The following GALNTL6 variants were observed in gnomAD, a reference collection of about 807,000 sequenced individuals.
The protein encoded by GALNTL6 is polypeptide N-acetylgalactosaminyltransferase-like 6.
GALNTL6 carries 46 observed loss-of-function variants against 73.7 expected under a neutral mutation model. The observed-to-expected ratio is 0.62, with a 90% confidence interval of 0.49 to 0.80. GALNTL6 has a LOEUF of 0.80. Among genes scored for constraint, GALNTL6 ranks in the 30% least tolerant of loss-of-function variants. The pLI is 0.00. For missense variants in GALNTL6, 604 were observed against 755.0 expected (o/e 0.80, Z 2.34); for synonymous variants, 259 against 263.7 (o/e 0.98, Z 0.17).
At chr4:172,295,579 A>G (rs983741158) in intron 3 of GALNTL6, among the ~76,000 whole-genome samples, 43 of 67,922 alleles carry the variant, frequency 6.3e-4, no homozygotes, top group Admixed American at 1.1e-3. Flanking sequence ...GTTCTGGTTT[A>G]CTCTATAACC....
At chr4:171,925,516 A>G (rs1362496574) in intron 2 of GALNTL6, among the ~76,000 whole-genome samples, 1 of 152,208 alleles carries the variant, frequency 6.6e-6, no homozygotes. Context: ...TGTCTAAGAC[A>G]TCCCGCTGAG....
At chr4:172,814,311 G>A (rs1741479043) in intron 7 of GALNTL6, among the ~76,000 whole-genome samples, 2 of 152,152 alleles carry the variant, frequency 1.3e-5, no homozygotes, top group Admixed American at 1.3e-4. Context: ...AGAATGTACA[G>A]CAATGATCTA....
chr4:172,332,405 ACTTTATGTTTTTAT>A (rs1176387543), intron 4 of GALNTL6, among the ~76,000 whole-genome samples: 2 of 151,978 alleles, frequency 1.3e-5, no homozygotes, highest in Non-Finnish European at 2.9e-5. Context: ...CTTCTATCTT[ACTTTATGTTTTTAT>A]CTTTTAACCC....
intron 2 of GALNTL6, among the ~76,000 whole-genome samples, chr4:172,105,705 A>T (rs968674202): frequency 1.3e-5 from 2 of 152,152 alleles, no homozygotes; most frequent in Non-Finnish European, 2.9e-5. Flanking sequence ...AAAGTGCTCA[A>T]CTAAAGAACT....
intron 2 of GALNTL6, among the ~76,000 whole-genome samples, chr4:171,974,258 T>G (rs1421738812): frequency 6.6e-6 from 1 of 152,302 alleles, no homozygotes; most frequent in African/African-American, 2.4e-5. Flanking sequence ...TAGTTTACAA[T>G]TTCTCAGTAG....
chr4:172,958,196 T>C (rs1341251908), intron 10 of GALNTL6, among the ~76,000 whole-genome samples: 1 of 152,180 alleles, frequency 6.6e-6, no homozygotes, highest in East Asian at 1.9e-4. Context: ...TGAGCATAGT[T>C]TGTGATTCTA....
chr4:172,395,503 C>A (rs1743816952), intron 5 of GALNTL6, among the ~76,000 whole-genome samples: 1 of 152,024 alleles, frequency 6.6e-6, no homozygotes, highest in Non-Finnish European at 1.5e-5. Context: ...TGTCAACATA[C>A]AATATTTTTC....
At chr4:172,870,778 T>C (rs753808986) in intron 7 of GALNTL6, among the ~76,000 whole-genome samples, 8 of 152,238 alleles carry the variant, frequency 5.3e-5, no homozygotes, top group Non-Finnish European at 1.0e-4. Context: ...AAGTACATGA[T>C]AAATTCATTT....
intron 2 of GALNTL6, among the ~76,000 whole-genome samples, chr4:172,101,619 T>G (rs1015262799): frequency 6.6e-6 from 1 of 152,230 alleles, no homozygotes; most frequent in Non-Finnish European, 1.5e-5. Flanking sequence ...TTGCCTCTTT[T>G]TTTGTAATTA....
At chr4:173,032,730 A>G (rs911391097) in intron 12 of GALNTL6, among the ~76,000 whole-genome samples, 1 of 152,344 alleles carries the variant, frequency 6.6e-6, no homozygotes, top group Admixed American at 6.5e-5. Flanking sequence ...GGACTACACA[A>G]GACCTTGTAG....
chr4:173,023,375 G>A (rs1392786501), intron 12 of GALNTL6, among the ~76,000 whole-genome samples: 1 of 152,006 alleles, frequency 6.6e-6, no homozygotes, highest in Non-Finnish European at 1.5e-5. Flanking sequence ...AACATCAGTT[G>A]AGCCGAGCAC....
chr4:172,074,680 G>C (rs1731650171), intron 2 of GALNTL6, among the ~76,000 whole-genome samples: 1 of 152,138 alleles, frequency 6.6e-6, no homozygotes, highest in Non-Finnish European at 1.5e-5. Context: ...AACAGGCACT[G>C]TCCCTACCCT....
intron 3 of GALNTL6, among the ~76,000 whole-genome samples, chr4:172,247,428 A>G (rs1438734361): frequency 6.6e-6 from 1 of 152,204 alleles, no homozygotes; most frequent in Non-Finnish European, 1.5e-5. Flanking sequence ...GCACTAATAC[A>G]ACTGATACAA....
chr4:171,827,757 T>C (rs966818571), intron 2 of GALNTL6, among the ~76,000 whole-genome samples: 1 of 152,154 alleles, frequency 6.6e-6, no homozygotes, highest in Non-Finnish European at 1.5e-5. Context: ...GTGATCACTG[T>C]CTTCGGTACC....
At chr4:172,791,426 A>G (rs569823934) in intron 5 of GALNTL6, among the ~76,000 whole-genome samples, 7 of 152,352 alleles carry the variant, frequency 4.6e-5, no homozygotes, top group African/African-American at 1.7e-4. Flanking sequence ...ATGGAGATAC[A>G]CAGCTGGGTG....
intron 2 of GALNTL6, among the ~76,000 whole-genome samples, chr4:171,987,726 A>G (rs951751236): frequency 5.3e-5 from 8 of 152,172 alleles, no homozygotes; most frequent in East Asian, 1.9e-4. Flanking sequence ...GGCTTGTGCT[A>G]TAGCATAGCC....
intron 2 of GALNTL6, among the ~76,000 whole-genome samples, chr4:172,032,048 A>G (rs1033036326): frequency 6.6e-6 from 1 of 152,108 alleles, no homozygotes; most frequent in African/African-American, 2.4e-5. Context: ...AAAAGTTTTC[A>G]CTGTCACAAA....
intron 5 of GALNTL6, among the ~76,000 whole-genome samples, chr4:172,476,563 G>A (rs907855352): frequency 1.3e-5 from 2 of 151,956 alleles, no homozygotes; most frequent in African/African-American, 4.8e-5. Flanking sequence ...AAACCTGCTG[G>A]ATAGGCTTTC....
At chr4:172,723,393 C>G (rs1226498747) in intron 5 of GALNTL6, among the ~76,000 whole-genome samples, 1 of 152,142 alleles carries the variant, frequency 6.6e-6, no homozygotes, top group Non-Finnish European at 1.5e-5. Context: ...CCTTCCCATA[C>G]TTATTTAACC....
Sources: gnomAD v4.1 joint callset for allele counts (sites outside exome capture counted in the v4.1 genomes callset) on GRCh38, gnomAD v4.1.1 for gene constraint, MANE v1.5 for transcripts, NCBI Gene and HGNC (gene_info 2026-07-23, HGNC 2026-07-21) for gene names.